Variants in CUBN observed in about 807,000 individuals in gnomAD.
CUBN encodes the protein cubilin, also known as 460 kDa receptor.
In CUBN, 282 loss-of-function variants were observed where a neutral mutation model predicts 405.3. That is an observed-to-expected ratio of 0.70 (90% CI 0.63 to 0.77). CUBN has a LOEUF of 0.77. Among genes scored for constraint, CUBN ranks in the 30% least tolerant of loss-of-function variants. The pLI is 0.00. For missense variants in CUBN, 4,514 were observed against 4,475.2 expected (o/e 1.01, Z -0.25); for synonymous variants, 1,684 against 1,617.0 (o/e 1.04, Z -0.99).
chr10:16,893,533 T>C (rs879361161), intron 54 of CUBN, among the ~76,000 whole-genome samples: 1 of 152,204 alleles, frequency 6.6e-6, no homozygotes, highest in Non-Finnish European at 1.5e-5. Context: ...AATTTACTCC[T>C]ACATTGCCTT....
intron 55 of CUBN, among the ~76,000 whole-genome samples, chr10:16,889,185 C>T (rs929333308): frequency 4.6e-5 from 7 of 152,284 alleles, no homozygotes; most frequent in East Asian, 1.9e-4. Context: ...CTATCAAGCA[C>T]GAAAATATCT....
Position 17,059,194 on chromosome 10 carries a change from A to T in CUBN, c.3139+6314T>A, listed in dbSNP as rs1835454492. On this transcript the variant is annotated intron_variant, in intron 22 of 66. Coordinates refer to ENST00000377833, the MANE Select transcript of CUBN (RefSeq NM_001081.4). ...GGACCATTACAAAAATCACAAAACT[A>T]GACTTTTCTAAAACTCACAATGTAT... Among the ~76,000 whole-genome samples, 3 of 152,118 alleles carry T rather than the reference A, an allele frequency of 2.0e-5. No homozygotes were observed. The South Asian group carries it at 6.2e-4, about 32-fold the overall frequency.
chr10:17,125,828 C>G (rs1837170212), intron 4 of CUBN, among the ~76,000 whole-genome samples: 1 of 152,164 alleles, frequency 6.6e-6, no homozygotes, highest in Admixed American at 6.5e-5. Flanking sequence ...CGGTCCACAG[C>G]ACTATTCTTT....
chr10:16,879,154 GTAGTTACATCAGTATACATTC>G, intron 56 of CUBN, among the ~76,000 whole-genome samples: 4 of 152,206 alleles, frequency 2.6e-5, no homozygotes, highest in Admixed American at 2.6e-4. Context: ...ATATCTCATA[GTAGTTACATCAGTATACATTC>G]TCACCAGGGA....
chr10:17,016,624 A>G (rs181538123), intron 28 of CUBN, among the ~76,000 whole-genome samples: 11 of 152,148 alleles, frequency 7.2e-5, no homozygotes, highest in African/African-American at 2.7e-4. Context: ...AGAAGGGGAC[A>G]TGTACCTGGG....
chr10:16,935,189 T>C (rs573487312), intron 39 of CUBN, among the ~76,000 whole-genome samples: 1 of 152,348 alleles, frequency 6.6e-6, no homozygotes, highest in South Asian at 2.1e-4. Flanking sequence ...TATTTATTTT[T>C]AGGACAGGGT....
At chr10:16,932,557 G>T (rs1364267668) in intron 40 of CUBN, among the ~76,000 whole-genome samples, 1 of 152,094 alleles carries the variant, frequency 6.6e-6, no homozygotes, top group Admixed American at 6.5e-5. Flanking sequence ...ACATTCAGGG[G>T]ACAAAGAGAA....
At chr10:17,092,633 G>T (rs949589352) in intron 14 of CUBN, among the ~76,000 whole-genome samples, 2 of 152,134 alleles carry the variant, frequency 1.3e-5, no homozygotes, top group African/African-American at 4.8e-5. Flanking sequence ...GCATTAGCAT[G>T]CTAAAAGACA....
At chr10:16,976,303 G>T (rs1021823359) in intron 31 of CUBN, among the ~76,000 whole-genome samples, 6 of 152,070 alleles carry the variant, frequency 3.9e-5, no homozygotes, top group African/African-American at 1.4e-4. Context: ...TTTTAGGAGA[G>T]CATAGAGTTC....
At chr10:16,829,085 G>A (rs1369024507) in intron 65 of CUBN, 45 bp from the exon 66 acceptor site, 5 of 1,467,898 alleles carry the variant, frequency 3.4e-6, no homozygotes, top group Admixed American at 1.8e-5. Context: ...CAGCATATAA[G>A]CCGTCCAGTC....
intron 38 of CUBN, 102 bp downstream of exon 38, chr10:16,938,861 C>A (rs1274439790): frequency 4.9e-6 from 5 of 1,028,240 alleles, no homozygotes; most frequent in Non-Finnish European, 7.5e-6. Context: ...GCAGACTATC[C>A]CACATGATTT....
Position 17,047,489 on chromosome 10 carries a change from A to C in CUBN, c.3254T>G (p.Leu1085Arg). Residue 1085 changes from leucine to arginine, a missense_variant, in exon 23 of 67, where the codon CTG becomes CGG. Around this residue, in one of 5 missense-constraint regions of CUBN, gnomAD observed 1,448 missense variants for 1,388.0 expected, o/e 1.04. Coordinates refer to ENST00000377833, the MANE Select transcript of CUBN (RefSeq NM_001081.4). ...IYRITVRTGQ[L>R]IAVHFTNFSL... ...GAAGTTTGTGAAGTGCACTGCAATC[A>C]GTTGGCCAGTTCTCACTGTGATCCG... 6.2e-7 allele frequency: 1 copy of C among 1,614,048 alleles called. No individual in the cohort carries two copies.
chr10:17,089,586 T>C (rs571964700), intron 14 of CUBN, among the ~76,000 whole-genome samples: 3 of 152,202 alleles, frequency 2.0e-5, no homozygotes, highest in African/African-American at 7.2e-5. Context: ...AAATGCAGAG[T>C]TTTGAAAACA....
At chr10:16,968,018 A>G (rs903964295) in intron 31 of CUBN, among the ~76,000 whole-genome samples, 2 of 151,354 alleles carry the variant, frequency 1.3e-5, no homozygotes, top group African/African-American at 4.9e-5. Flanking sequence ...AGAGAGGGAG[A>G]GAGGAAGAGG....
At chr10:16,989,679 G>C (rs369850041) in intron 29 of CUBN, among the ~76,000 whole-genome samples, 2 of 152,120 alleles carry the variant, frequency 1.3e-5, no homozygotes, top group East Asian at 3.9e-4. Context: ...CTCAAAGACT[G>C]TTTTAATGAT....
chr10:16,949,434 G>GGTGT (rs59878960), intron 34 of CUBN, among the ~76,000 whole-genome samples: 17,131 of 108,756 alleles, frequency 0.16, 1,307 homozygotes, highest in African/African-American at 0.3. Context: ...TAAATGGCCT[G>GGTGT]GTGTGTGTGT....
intron 56 of CUBN, 122 bp from the exon 57 acceptor site, chr10:16,877,219 AC>A (rs1163020137): frequency 6.8e-6 from 6 of 878,842 alleles, no homozygotes; most frequent in Non-Finnish European, 9.2e-6. Flanking sequence ...AAAATGAGAA[AC>A]GAGATATTTA....
At chr10:17,069,553 C>CT (rs918248371) in intron 19 of CUBN, among the ~76,000 whole-genome samples, 4 of 151,988 alleles carry the variant, frequency 2.6e-5, no homozygotes, top group African/African-American at 4.8e-5. Flanking sequence ...TTTGGCATTT[C>CT]TTTTTTTTGA....
At chr10:16,922,896 C>A (rs1842077861) in intron 43 of CUBN, among the ~76,000 whole-genome samples, 1 of 148,992 alleles carries the variant, frequency 6.7e-6, no homozygotes, top group Non-Finnish European at 1.5e-5. Context: ...GTCACTCAGG[C>A]TGGAGTGCAG....
Sources: allele counts gnomAD v4.1 joint callset (sites outside exome capture counted in the v4.1 genomes callset), GRCh38; gene constraint gnomAD v4.1.1; regional missense constraint gnomAD v4.1.1; transcripts MANE v1.5; gene names NCBI Gene and HGNC (gene_info 2026-07-23, HGNC 2026-07-21).